The following PPP1R9A variants were observed in gnomAD, a reference collection of about 807,000 sequenced individuals.
PPP1R9A encodes the protein neurabin-1.
Under a neutral mutation model 141.9 loss-of-function variants are expected in PPP1R9A, and 59 were observed. The observed-to-expected ratio is 0.42, with a 90% CI of 0.34 to 0.52. The LOEUF (loss-of-function observed/expected upper bound fraction) is 0.52. PPP1R9A is among the 20% of genes least tolerant of loss of function. The probability of loss-of-function intolerance (pLI) is 0.10; values close to 1 mark genes in which losing one functional copy is unlikely to be tolerated. For missense variants in PPP1R9A, 1,444 were observed against 1,611.9 expected, an observed-to-expected ratio of 0.90 and a Z score of 1.78; for synonymous variants, 500 against 569.7, an observed-to-expected ratio of 0.88 and a Z score of 1.74.
chr7:95,114,541 G>A (rs900508854), intron 3 of PPP1R9A, among the ~76,000 whole-genome samples: 2 of 151,866 alleles, frequency 1.3e-5, no homozygotes, highest in Non-Finnish European at 2.9e-5. Context: ...ATAATGTTTT[G>A]TAGATAAATA....
chr7:95,050,328 G>C (rs986840541), intron 2 of PPP1R9A, among the ~76,000 whole-genome samples: 1 of 152,070 alleles, frequency 6.6e-6, no homozygotes, highest in Admixed American at 6.6e-5. Context: ...TTTTGTTATT[G>C]TTGGCTTTTA....
At chr7:94,961,709 A>G (rs1797661673) in intron 2 of PPP1R9A, among the ~76,000 whole-genome samples, 1 of 151,928 alleles carries the variant, frequency 6.6e-6, no homozygotes, top group African/African-American at 2.4e-5. Flanking sequence ...GCAGCAAAGT[A>G]CTATTTAAAG....
chr7:95,205,768 G>T (rs1790652503), intron 7 of PPP1R9A, among the ~76,000 whole-genome samples: 1 of 152,150 alleles, frequency 6.6e-6, no homozygotes, highest in Admixed American at 6.6e-5. Context: ...TTTTAAAAGT[G>T]TGTCAGTAGC....
chr7:95,167,949 T>C (rs143437954), intron 5 of PPP1R9A, among the ~76,000 whole-genome samples: 2,010 of 152,266 alleles, frequency 0.013, 33 homozygotes, highest in African/African-American at 0.046. Context: ...AGAATTAACG[T>C]TGTTAAAATG....
intron 12 of PPP1R9A, among the ~76,000 whole-genome samples, chr7:95,260,111 T>C (rs1207100114): frequency 2.6e-5 from 4 of 152,152 alleles, no homozygotes; most frequent in Non-Finnish European, 5.9e-5. Flanking sequence ...GAAATCAATA[T>C]TTATTGATTA....
At chr7:95,260,020 T>C (rs1221497342) in intron 12 of PPP1R9A, among the ~76,000 whole-genome samples, 1 of 152,216 alleles carries the variant, frequency 6.6e-6, no homozygotes, top group East Asian at 1.9e-4. Flanking sequence ...CCATGAAATA[T>C]TGAATTGCAC....
intron 4 of PPP1R9A, among the ~76,000 whole-genome samples, chr7:95,137,050 G>A (rs1354147064): frequency 6.6e-6 from 1 of 151,998 alleles, no homozygotes; most frequent in Admixed American, 6.6e-5. Flanking sequence ...GGACTTATGG[G>A]CAAAGTTTCA....
intron 5 of PPP1R9A, among the ~76,000 whole-genome samples, chr7:95,181,590 T>C (rs1053728344): frequency 2.1e-5 from 3 of 139,582 alleles, no homozygotes; most frequent in Non-Finnish European, 4.5e-5. Flanking sequence ...CACATATATA[T>C]AGAATATATA....
At chr7:95,205,814 A>G (rs535912472) in intron 7 of PPP1R9A, among the ~76,000 whole-genome samples, 1 of 152,200 alleles carries the variant, frequency 6.6e-6, no homozygotes, top group East Asian at 1.9e-4. Flanking sequence ...ATTTATCCAT[A>G]AATTCCCCCC....
chr7:95,269,391 C>G lies in PPP1R9A; in HGVS notation c.3008C>G (p.Pro1003Arg), dbSNP rs368060387. 1.3e-6 allele frequency: 2 copies of G among 1,597,504 alleles called. No homozygotes were observed. The highest frequency in any genetic ancestry group is 1.7e-6 in the Non-Finnish European group (2 of 1,178,564). Residue 1003 changes from proline to arginine, a missense_variant, in exon 14 of 20, where the codon CCT (proline) becomes CGT (arginine). By Grantham distance (103) the Pro-to-Arg change is moderately radical. Coordinates refer to ENST00000433360, the MANE Select transcript of PPP1R9A (RefSeq NM_001166160.2). ...GAACCACTGGACCCAGAAATGGGGC[C>G]TCTCTCCTCTATGTGGGGAGACACT... ...QEEPLDPEMG[P>R]LSSMWGDTSL...
At chr7:95,210,950 G>A (rs2152911087) in intron 7 of PPP1R9A, among the ~76,000 whole-genome samples, 2 of 152,120 alleles carry the variant, frequency 1.3e-5, no homozygotes, top group Middle Eastern at 6.8e-3. Flanking sequence ...GGATCAATGA[G>A]AACACACGGA....
rs199705820 is a variant in PPP1R9A, at chr7:95,250,135, T to C, written c.2276T>C (p.Ile759Thr). 4.3e-6 allele frequency: 7 copies of C among 1,613,816 alleles called. No individual in the cohort carries two copies. Among genetic ancestry groups the C allele is most frequent in the Admixed American group, 1.7e-5 (1 of 59,964 alleles). Residue 759 changes from isoleucine to threonine, a missense_variant, in exon 10 of 20, where the codon ATT becomes ACT. This residue lies in a region of PPP1R9A where 488 missense variants were observed against 542.0 expected (regional missense o/e 0.90). Coordinates refer to ENST00000433360, the MANE Select transcript of PPP1R9A (RefSeq NM_001166160.2). ...ATGTTGAAGTTGGAAAGCTACTGGATTGAGGCCCAAACATTATGCCACACA... is the reference window on the plus strand; with the variant it reads ...ATGTTGAAGTTGGAAAGCTACTGGACTGAGGCCCAAACATTATGCCACACA... Reference protein sequence around the residue: ...ERMLKLESYWIEAQTLCHTVN... With the variant: ...ERMLKLESYWTEAQTLCHTVN...
intron 2 of PPP1R9A, among the ~76,000 whole-genome samples, chr7:94,931,966 T>C (rs1214510982): frequency 6.6e-6 from 1 of 152,222 alleles, no homozygotes; most frequent in Admixed American, 6.5e-5. Context: ...CATGGCTATT[T>C]CTTCTTCAGT....
intron 17 of PPP1R9A, among the ~76,000 whole-genome samples, chr7:95,285,116 A>C (rs1470286648): frequency 6.6e-6 from 1 of 152,168 alleles, no homozygotes; most frequent in Non-Finnish European, 1.5e-5. Flanking sequence ...TTCTTTTCTG[A>C]AGTTTTAGCA....
rs1263187673 is a variant in PPP1R9A, at chr7:95,292,182, T to C, written c.*1879T>C. ...GGGGTATGATAATGAAACTGCCGTA[T>C]TGGATACTCTATTAATGTCTTGAGA... On this transcript the variant is annotated 3_prime_UTR_variant, in exon 20 of 20. Coordinates refer to ENST00000433360, the MANE Select transcript of PPP1R9A (RefSeq NM_001166160.2). 3 of 152,226 alleles carry C rather than the reference T, an allele frequency of 2.0e-5. No individual in the cohort carries two copies. Among genetic ancestry groups the C allele is most frequent in the Non-Finnish European group, 4.4e-5 (3 of 68,028 alleles). The allele number at this position is 152,226 out of a possible 1,614,324, so 9.4% of individuals were successfully genotyped here. A position where few individuals can be genotyped will look rare whatever the true frequency, so the allele number is the denominator to read the frequency against.
intron 16 of PPP1R9A, among the ~76,000 whole-genome samples, chr7:95,275,276 C>T (rs1325310184): frequency 3.9e-5 from 6 of 151,910 alleles, no homozygotes; most frequent in South Asian, 2.1e-4. Flanking sequence ...GGCGTGGTGG[C>T]GCACACCTGT....
intron 2 of PPP1R9A, among the ~76,000 whole-genome samples, chr7:94,969,213 A>G (rs1050714081): frequency 6.6e-6 from 1 of 152,026 alleles, no homozygotes; most frequent in African/African-American, 2.4e-5. Context: ...GATCCTTTGG[A>G]GGAGAAGAGG....
At chr7:95,200,269 CT>C (rs761784471) in intron 6 of PPP1R9A, among the ~76,000 whole-genome samples, 301 of 143,770 alleles carry the variant, frequency 2.1e-3, no homozygotes, top group Middle Eastern at 3.8e-3. Flanking sequence ...AAATTTTGCT[CT>C]TTTTTTTTTT....
intron 4 of PPP1R9A, among the ~76,000 whole-genome samples, chr7:95,121,515 C>T (rs138327038): frequency 1.7e-4 from 26 of 149,406 alleles, no homozygotes; most frequent in South Asian, 4.3e-4. Context: ...CTATCTTAGG[C>T]GAAGATTTTG....
Sources: allele counts gnomAD v4.1 joint callset (sites outside exome capture counted in the v4.1 genomes callset), GRCh38; gene constraint gnomAD v4.1.1; regional missense constraint gnomAD v4.1.1; transcripts MANE v1.5; gene names NCBI Gene and HGNC (gene_info 2026-07-23, HGNC 2026-07-21).